Variants in DCTN4 observed in about 807,000 individuals in gnomAD.
DCTN4 encodes dynactin subunit 4.
Under a neutral mutation model 62.7 loss-of-function variants are expected in DCTN4, and 23 were observed. That is an observed-to-expected ratio of 0.37 (90% CI 0.26 to 0.52). DCTN4 has a LOEUF of 0.52. Ranked by LOEUF, DCTN4 falls within the 20% of genes least tolerant of loss-of-function variation. The probability of loss-of-function intolerance (pLI) is 0.92; values close to 1 mark genes in which losing one functional copy is unlikely to be tolerated. For missense variants in DCTN4, 514 were observed against 580.4 expected (o/e 0.89, Z 1.18); for synonymous variants, 199 against 202.1 (o/e 0.98, Z 0.13).
chr5:150,723,243 A>G (rs58209381), intron 8 of DCTN4, among the ~76,000 whole-genome samples: 1,700 of 152,326 alleles, frequency 0.011, 29 homozygotes, highest in African/African-American at 0.037. Flanking sequence ...TACTGAGTAC[A>G]TACTGTATTT....
At position 150,733,354 on chromosome 5, in the gene DCTN4, T is replaced by C. The variant is rs1052324285; in HGVS notation, c.537+14A>G. On this transcript the variant is annotated intron_variant, in intron 5 of 12. Transcript: ENST00000447998. ...TTAGAGGTCTTGCAAATCATTTTAG[T>C]ACCAAATTCTCACCGAAAAAGCCAG... is the stretch of plus-strand genomic sequence containing the variant. 2 of 1,597,662 alleles carry C rather than the reference T, an allele frequency of 1.3e-6. No homozygotes were observed. Among genetic ancestry groups the C allele is most frequent in the Non-Finnish European group, 1.7e-6 (2 of 1,168,166 alleles).
chr5:150,722,361 G>C (rs1232006973), intron 9 of DCTN4, among the ~76,000 whole-genome samples: 1 of 152,136 alleles, frequency 6.6e-6, no homozygotes, highest in Non-Finnish European at 1.5e-5. Flanking sequence ...TGAACACTGG[G>C]TAAGTTTTAA....
At chr5:150,715,075 G>C (rs1315004399) in intron 12 of DCTN4, among the ~76,000 whole-genome samples, 1 of 150,338 alleles carries the variant, frequency 6.7e-6, no homozygotes, top group Non-Finnish European at 1.5e-5. Context: ...TGAATTCTCT[G>C]ATGGTCACAG....
intron 3 of DCTN4, among the ~76,000 whole-genome samples, chr5:150,743,381 A>G (rs1187177174): frequency 6.6e-6 from 1 of 152,234 alleles, no homozygotes; most frequent in Non-Finnish European, 1.5e-5. Context: ...GGCACAGACA[A>G]ACAAAAAGAC....
At chr5:150,747,092 C>A (rs1438629033) in intron 3 of DCTN4, among the ~76,000 whole-genome samples, 2 of 152,110 alleles carry the variant, frequency 1.3e-5, no homozygotes, top group African/African-American at 4.8e-5. Context: ...TCAGCAAAGT[C>A]TCGGGATACA....
In DCTN4 at chr5:150,733,492, G is replaced by A; in HGVS notation, c.430-17C>T. ...TTTGTTCATCTGTAAGAAAATCACA[G>A]ACTCAGTACACAAAAAAGCTAACAG... On this transcript the variant is annotated splice_polypyrimidine_tract_variant and intron_variant, in intron 4 of 12. Coordinates refer to ENST00000447998, the MANE Select transcript of DCTN4 (RefSeq NM_016221.4). The A allele has an allele frequency of 1.3e-6, 2 of 1,581,818 alleles. No homozygotes were observed. Among genetic ancestry groups the A allele is most frequent in the Non-Finnish European group, 1.7e-6 (2 of 1,152,092 alleles).
chr5:150,733,538 A>G lies in DCTN4; in HGVS notation c.430-63T>C. ...AACAGAAAACATATCAAATTAATCA[A>G]CTACACTGACTAGACACATAATGAA... On this transcript the variant is annotated intron_variant, in intron 4 of 12. Coordinates refer to ENST00000447998, the MANE Select transcript of DCTN4 (RefSeq NM_016221.4). 6 of 1,143,698 alleles carry G rather than the reference A, an allele frequency of 5.2e-6. No homozygotes were observed. The South Asian group carries it at 6.4e-5, about 12-fold the overall frequency. The allele number at this position is 1,143,698 out of a possible 1,614,324, so 70.8% of individuals were successfully genotyped here.
chr5:150,723,351 G>C (rs1023663406), intron 8 of DCTN4, among the ~76,000 whole-genome samples: 2 of 152,198 alleles, frequency 1.3e-5, no homozygotes, highest in Non-Finnish European at 2.9e-5. Context: ...TATTATAGAT[G>C]ATCAAAATGG....
intron 3 of DCTN4, among the ~76,000 whole-genome samples, chr5:150,746,007 G>A (rs1760947963): frequency 6.6e-6 from 1 of 151,184 alleles, no homozygotes; most frequent in Non-Finnish European, 1.5e-5. Flanking sequence ...CCAGGAGCTG[G>A]TTTTTTGAAA....
At chr5:150,755,188 T>C (rs1044588400) in intron 2 of DCTN4, among the ~76,000 whole-genome samples, 8 of 152,086 alleles carry the variant, frequency 5.3e-5, no homozygotes, top group African/African-American at 1.9e-4. Context: ...AGCCAAAATA[T>C]AAAATGAATA....
Position 150,754,962 on chromosome 5 carries a change from C to CA in DCTN4, c.207-1306dup, listed in dbSNP as rs60837855. 4.0e-3 allele frequency among the ~76,000 whole-genome samples: 548 copies of CA among 136,790 alleles called. 3 individuals are homozygous for CA. The highest frequency in any genetic ancestry group is 7.9e-3 in the African/African-American group (302 of 38,456). 89.7% of individuals were successfully genotyped at this position (136,790 alleles called of 152,430 possible). A position where few individuals can be genotyped will look rare whatever the true frequency, so the allele number is the denominator to read the frequency against. ...TAGGCGCCAAAGTGAGACCCTGTCT[C>CA]AAAAAAAAAAAAATACACACAAAAC... On this transcript the variant is annotated intron_variant, in intron 2 of 12. Transcript: ENST00000447998.
At chr5:150,728,467 T>C (rs1415176431) in intron 8 of DCTN4, among the ~76,000 whole-genome samples, 2 of 152,196 alleles carry the variant, frequency 1.3e-5, no homozygotes, top group African/African-American at 4.8e-5. Context: ...CTGATTTTCA[T>C]CTATTTGTTC....
chr5:150,727,198 G>A (rs576431982), intron 8 of DCTN4, among the ~76,000 whole-genome samples: 84 of 152,128 alleles, frequency 5.5e-4, no homozygotes, highest in African/African-American at 2.0e-3. Flanking sequence ...TCCAGTAAAT[G>A]TACTTTGTTT....
intron 3 of DCTN4, among the ~76,000 whole-genome samples, chr5:150,748,317 G>C (rs1266084302): frequency 6.6e-6 from 1 of 151,382 alleles, no homozygotes; most frequent in Non-Finnish European, 1.5e-5. Context: ...GGAGAAATAG[G>C]AACACTTTTA....
intron 8 of DCTN4, among the ~76,000 whole-genome samples, chr5:150,727,059 G>A (rs537432637): frequency 2.0e-4 from 31 of 152,230 alleles, no homozygotes; most frequent in African/African-American, 6.5e-4. Flanking sequence ...GGTTAGGGGC[G>A]GTGGGGAAGA....
intron 8 of DCTN4, among the ~76,000 whole-genome samples, chr5:150,729,042 C>CTTTTTTTTTTTTTTTTTTTTTTTTTTT (rs61106544): frequency 1.9e-5 from 1 of 52,140 alleles, no homozygotes; most frequent in Admixed American, 2.9e-4. Flanking sequence ...ACCACACTGG[C>CTTTTTTTTTTTTTTTTTTTTTTTTTTT]TTTTTTTTTT....
chr5:150,731,545 T>C (rs770113331), intron 5 of DCTN4, 56 bp from the exon 6 acceptor site: 65 of 1,415,602 alleles, frequency 4.6e-5, no homozygotes, highest in Admixed American at 1.2e-4. Context: ...ACCCTATTTA[T>C]CAAAAGAAAG....
In DCTN4 at chr5:150,753,665, A is replaced by G. The variant is rs1454831181; in HGVS notation, c.207-8T>C. Reference sequence around the variant, plus strand: ...TCAAAACAATTGGCACATCTGTGACATGACAAACACAACCATTCATTCAAC... The same window carrying G: ...TCAAAACAATTGGCACATCTGTGACGTGACAAACACAACCATTCATTCAAC... On this transcript the variant is annotated splice_region_variant and splice_polypyrimidine_tract_variant and intron_variant, in intron 2 of 12. Transcript: ENST00000447998. 2 of 1,607,756 alleles carry G rather than the reference A, an allele frequency of 1.2e-6. No homozygotes were observed. Among genetic ancestry groups the G allele is most frequent in the African/African-American group, 1.3e-5 (1 of 74,894 alleles).
chr5:150,719,426 G>C (rs1014265566), intron 10 of DCTN4, among the ~76,000 whole-genome samples: 3 of 152,302 alleles, frequency 2.0e-5, no homozygotes, highest in Non-Finnish European at 4.4e-5. Flanking sequence ...CTCTAGGCTG[G>C]AGAAGAACAA....
Sources: gnomAD v4.1 joint callset for allele counts (sites outside exome capture counted in the v4.1 genomes callset) on GRCh38, gnomAD v4.1.1 for gene constraint, MANE v1.5 for transcripts, NCBI Gene and HGNC (gene_info 2026-07-23, HGNC 2026-07-21) for gene names.